Variants in PELI2 observed in about 807,000 individuals in gnomAD.
PELI2 encodes E3 ubiquitin-protein ligase pellino homolog 2.
In PELI2, 23 loss-of-function variants were observed where a neutral mutation model predicts 42.3. The observed-to-expected ratio is 0.54, with a 90% CI of 0.39 to 0.77. The LOEUF is 0.77. PELI2 is among the 30% of genes least tolerant of loss of function. The probability of loss-of-function intolerance (pLI) is 0.00; values close to 1 mark genes in which losing one functional copy is unlikely to be tolerated. For missense variants in PELI2, 463 were observed against 553.2 expected, an observed-to-expected ratio of 0.84 and a Z score of 1.64; for synonymous variants, 245 against 212.2, an observed-to-expected ratio of 1.15 and a Z score of -1.34.
chr14:56,287,235 C>T (rs1032881157), intron 3 of PELI2, among the ~76,000 whole-genome samples: 10 of 152,206 alleles, frequency 6.6e-5, no homozygotes, highest in Admixed American at 6.5e-4. Flanking sequence ...TCCTAAACTT[C>T]ACTGGAATAG....
chr14:56,234,433 G>T (rs1223198991), intron 2 of PELI2, among the ~76,000 whole-genome samples: 1 of 152,186 alleles, frequency 6.6e-6, no homozygotes, highest in Non-Finnish European at 1.5e-5. Flanking sequence ...AAAAAAGGAT[G>T]AGTTCATGTC....
At chr14:56,230,063 AGAAAC>A (rs1346721657) in intron 2 of PELI2, among the ~76,000 whole-genome samples, 1 of 152,226 alleles carries the variant, frequency 6.6e-6, no homozygotes, top group Admixed American at 6.5e-5. Flanking sequence ...AAGAGTAAAA[AGAAAC>A]GAACAAAGCC....
intron 1 of PELI2, among the ~76,000 whole-genome samples, chr14:56,148,224 C>G (rs1884205389): frequency 6.6e-6 from 1 of 152,172 alleles, no homozygotes; most frequent in Non-Finnish European, 1.5e-5. Flanking sequence ...CTTTTCTATC[C>G]CAGGCTTGCC....
At chr14:56,275,202 G>C (rs979020256) in intron 2 of PELI2, among the ~76,000 whole-genome samples, 7 of 152,076 alleles carry the variant, frequency 4.6e-5, no homozygotes, top group Admixed American at 3.3e-4. Flanking sequence ...CAGAGGTGGC[G>C]ACCTGCGTTC....
chr14:56,239,161 T>C (rs1450772765), intron 2 of PELI2, among the ~76,000 whole-genome samples: 1 of 152,226 alleles, frequency 6.6e-6, no homozygotes, highest in Non-Finnish European at 1.5e-5. Flanking sequence ...ATGAAAAACA[T>C]TAATTATTAA....
chr14:56,161,048 A>G (rs966001263), intron 1 of PELI2, among the ~76,000 whole-genome samples: 4 of 152,172 alleles, frequency 2.6e-5, no homozygotes, highest in African/African-American at 7.2e-5. Flanking sequence ...CTCAACAGCC[A>G]GTAGAGATGT....
intron 2 of PELI2, among the ~76,000 whole-genome samples, chr14:56,253,275 C>G (rs1374987491): frequency 3.3e-5 from 5 of 152,188 alleles, no homozygotes; most frequent in Non-Finnish European, 4.4e-5. Context: ...GAAGCATTCC[C>G]TTTGAAAGCC....
At chr14:56,253,326 A>G (rs957631328) in intron 2 of PELI2, among the ~76,000 whole-genome samples, 2 of 152,236 alleles carry the variant, frequency 1.3e-5, no homozygotes, top group East Asian at 1.9e-4. Flanking sequence ...GTCCTATTCA[A>G]TATAGTATTG....
At chr14:56,240,707 A>T (rs1038961435) in intron 2 of PELI2, among the ~76,000 whole-genome samples, 1 of 152,066 alleles carries the variant, frequency 6.6e-6, no homozygotes, top group Non-Finnish European at 1.5e-5. Context: ...AGAAGAGGGG[A>T]CTAGGGGGTA....
chr14:56,119,263 G>A (rs1228858795), intron 1 of PELI2: 3 of 152,116 alleles, frequency 2.0e-5, no homozygotes, highest in African/African-American at 4.8e-5. Flanking sequence ...GGCCGCCGCG[G>A]GCTGTGGGAT....
At chr14:56,146,456 C>T (rs186135894) in intron 1 of PELI2, among the ~76,000 whole-genome samples, 101 of 152,270 alleles carry the variant, frequency 6.6e-4, no homozygotes, top group Non-Finnish European at 1.2e-3. Flanking sequence ...AACATACTTT[C>T]ACCATATGAT....
intron 2 of PELI2, among the ~76,000 whole-genome samples, chr14:56,240,769 G>A (rs2139793034): frequency 6.6e-6 from 1 of 152,236 alleles, no homozygotes; most frequent in East Asian, 1.9e-4. Context: ...GGATGGATGT[G>A]GGTCCCCAAG....
At chr14:56,196,419 A>G (rs1420934383) in intron 2 of PELI2, among the ~76,000 whole-genome samples, 1 of 152,248 alleles carries the variant, frequency 6.6e-6, no homozygotes, top group Non-Finnish European at 1.5e-5. Context: ...GACAGTAATT[A>G]CATCACTATT....
intron 1 of PELI2, among the ~76,000 whole-genome samples, chr14:56,155,473 T>C (rs1884523406): frequency 6.6e-6 from 1 of 152,178 alleles, no homozygotes; most frequent in African/African-American, 2.4e-5. Context: ...AACTTCTTTC[T>C]CATTGGTGGT....
chr14:56,206,676 C>T (rs2139718970), intron 2 of PELI2, among the ~76,000 whole-genome samples: 1 of 152,246 alleles, frequency 6.6e-6, no homozygotes, highest in Middle Eastern at 3.4e-3. Context: ...GTGCAGTATT[C>T]TATGGCTTTT....
intron 2 of PELI2, among the ~76,000 whole-genome samples, chr14:56,216,852 T>C (rs990223560): frequency 6.6e-6 from 1 of 152,264 alleles, no homozygotes; most frequent in Non-Finnish European, 1.5e-5. Flanking sequence ...TGACAGTTAC[T>C]GCTTCTCTTG....
intron 2 of PELI2, among the ~76,000 whole-genome samples, chr14:56,241,063 A>G (rs1001139326): frequency 1.3e-5 from 2 of 151,936 alleles, no homozygotes; most frequent in Non-Finnish European, 2.9e-5. Context: ...CTCCTGGAAC[A>G]CTGGAAACTG....
chr14:56,248,185 C>T (rs4901665), intron 2 of PELI2, among the ~76,000 whole-genome samples: 61,354 of 151,912 alleles, frequency 0.4, 13,097 homozygotes, highest in South Asian at 0.53. Context: ...AAATACAGTC[C>T]AAAAATAATT....
At chr14:56,214,610 CA>C (rs1886831923) in intron 2 of PELI2, among the ~76,000 whole-genome samples, 1 of 152,146 alleles carries the variant, frequency 6.6e-6, no homozygotes, top group Non-Finnish European at 1.5e-5. Context: ...AGCTTGGAGT[CA>C]GCTTCTGCTG....
Sources: gnomAD v4.1 joint callset for allele counts (sites outside exome capture counted in the v4.1 genomes callset) on GRCh38, gnomAD v4.1.1 for gene constraint, MANE v1.5 for transcripts, NCBI Gene and HGNC (gene_info 2026-07-23, HGNC 2026-07-21) for gene names.